The following CCDC28A variants were observed in gnomAD, a reference collection of about 807,000 sequenced individuals.
The protein encoded by CCDC28A is coiled-coil domain containing 28A, also known as coiled-coil domain-containing protein 28A.
In CCDC28A, 24 loss-of-function variants were observed where a neutral mutation model predicts 22.1. The ratio of observed to expected loss-of-function variants is 1.09; its 90% CI spans 0.79 to 1.53. The LOEUF is 1.53. Among genes scored for constraint, CCDC28A ranks in the 40% most tolerant of loss-of-function variants. The pLI, the probability that CCDC28A is intolerant of heterozygous loss-of-function variation, is 0.00. For synonymous variants in CCDC28A, 83 were observed against 74.7 expected (o/e 1.11, Z -0.57); for missense variants, 170 against 210.7 (o/e 0.81, Z 1.20).
intron 5 of CCDC28A, among the ~76,000 whole-genome samples, chr6:138,791,134 G>A (rs1775163140): frequency 6.6e-6 from 1 of 152,086 alleles, no homozygotes; most frequent in South Asian, 2.1e-4. Context: ...ACCCAGGCTG[G>A]AGTGCAGTGA....
rs1562440477 is a variant in CCDC28A, at chr6:138,785,391, A to T, written c.477+10A>T. Reference sequence around the variant, plus strand: ...TAGGCTTCTGTCAGATGTAAGTGTAATTCTTTTTCTTTGTTCTTTAAAAAA... The same window carrying T: ...TAGGCTTCTGTCAGATGTAAGTGTATTTCTTTTTCTTTGTTCTTTAAAAAA... On this transcript the variant is annotated intron_variant, in intron 4 of 5. Transcript: ENST00000617445. 1 of 1,585,174 alleles carries T rather than the reference A, an allele frequency of 6.3e-7. No individual in the cohort carries two copies.
chr6:138,781,106 C>T (rs1775014836), intron 3 of CCDC28A, among the ~76,000 whole-genome samples: 3 of 152,264 alleles, frequency 2.0e-5, no homozygotes, highest in Admixed American at 6.5e-5. Flanking sequence ...CATTTGTTAA[C>T]AGTCCAGGTG....
chr6:138,774,425 C>T (rs984448362), intron 1 of CCDC28A, among the ~76,000 whole-genome samples: 3 of 152,188 alleles, frequency 2.0e-5, no homozygotes, highest in Admixed American at 6.5e-5. Context: ...CTTTCAAACT[C>T]TCATTTAATT....
At chr6:138,773,930 G>T (rs571410170) in intron 1 of CCDC28A, 28 bp downstream of exon 1, 117 of 1,607,686 alleles carry the variant, frequency 7.3e-5, no homozygotes, top group Non-Finnish European at 9.1e-5. Flanking sequence ...AGGAACCTCC[G>T]CAACCTGCCC....
rs142395734 is a variant in CCDC28A at position 138,778,728 on chromosome 6, A to T, written c.159-1094A>T. ...TAGATGAGGATAGGGTTTCTTAGGG[A>T]TATTAGATTATATTCAGCAGGCAAT... On this transcript the variant is annotated intron_variant, in intron 2 of 5. Transcript: ENST00000617445. Among the ~76,000 whole-genome samples the T allele has an allele frequency of 2.7e-3, 407 of 151,754 alleles. 2 individuals are homozygous for T. The highest frequency in any genetic ancestry group is 9.3e-3 in the African/African-American group (383 of 41,370).
chr6:138,779,993 A>G lies in CCDC28A; in HGVS notation c.322+8A>G, dbSNP rs1309175686. On this transcript the variant is annotated splice_region_variant and intron_variant, in intron 3 of 5. Coordinates refer to ENST00000617445, the MANE Select transcript of CCDC28A (RefSeq NM_015439.3). ...GAAAACTTCAAGCATTTGGTAAGCA[A>G]TAGATGTTTCTGTATTATTTTTTTC... is the stretch of plus-strand genomic sequence containing the variant. The G allele has an allele frequency of 6.3e-7, 1 of 1,598,152 alleles. No homozygotes were observed. Among genetic ancestry groups the G allele is most frequent in the East Asian group, 2.2e-5 (1 of 44,450 alleles).
intron 4 of CCDC28A, 34 bp downstream of exon 4, chr6:138,785,415 A>C (rs757825011): frequency 3.3e-5 from 52 of 1,557,660 alleles, no homozygotes; most frequent in Non-Finnish European, 4.2e-5. Context: ...TTCTTTAAAA[A>C]AAAATTTTTG....
At chr6:138,781,603 C>T (rs1775021817) in intron 3 of CCDC28A, among the ~76,000 whole-genome samples, 1 of 152,134 alleles carries the variant, frequency 6.6e-6, no homozygotes, top group Non-Finnish European at 1.5e-5. Flanking sequence ...TTAATTTTTG[C>T]CAGTCTCTTG....
chr6:138,792,376 G>T (rs971855642), intron 5 of CCDC28A, among the ~76,000 whole-genome samples: 2 of 152,060 alleles, frequency 1.3e-5, no homozygotes, highest in African/African-American at 2.4e-5. Flanking sequence ...CTCTAACAAA[G>T]AATAGAAAAA....
intron 1 of CCDC28A, among the ~76,000 whole-genome samples, chr6:138,774,936 T>TTTTTGTTTTG (rs369968469): frequency 0.011 from 1,601 of 151,982 alleles, 18 homozygotes; most frequent in African/African-American, 0.026. Context: ...GGAAGGGGTT[T>TTTTTGTTTTG]TTTTGTTTTG....
chr6:138,777,944 A>T (rs1774959700), intron 2 of CCDC28A, among the ~76,000 whole-genome samples: 1 of 152,148 alleles, frequency 6.6e-6, no homozygotes, highest in East Asian at 1.9e-4. Context: ...GCAGTGTGGG[A>T]TGGGGGGCTT....
chr6:138,780,570 C>T (rs1562439218), intron 3 of CCDC28A, among the ~76,000 whole-genome samples: 2 of 141,890 alleles, frequency 1.4e-5, no homozygotes, highest in Non-Finnish European at 3.0e-5. Context: ...GATTATTTCC[C>T]AATTTTTTTT....
chr6:138,785,436 A>G, intron 4 of CCDC28A, 55 bp downstream of exon 4: 1 of 1,356,168 alleles, frequency 7.4e-7, no homozygotes, highest in Admixed American at 1.9e-5. Context: ...TTGCGAAAAA[A>G]TGTACCTTTT....
rs780882746 is a variant in CCDC28A, at chr6:138,776,162, T to C, written c.42T>C (p.Phe14=). ...RKVKRRSPKS[F]SAHCTQVVNA... is the part of the protein sequence containing the mutation. ...TGAAGAGGAGGAGTCCTAAGTCTTT[T>C]AGTGCCCACTGTACTCAGGTTGTCA... The change falls in exon 2 of 6, where the codon TTT becomes TTC. Residue 14 remains phenylalanine, a synonymous_variant. Transcript: ENST00000617445. 7.4e-6 allele frequency: 12 copies of C among 1,614,110 alleles called. No individual in the cohort carries two copies. The South Asian group carries it at 1.2e-4, about 16-fold the overall frequency.
chr6:138,776,870 G>GT (rs1266279331), intron 2 of CCDC28A, among the ~76,000 whole-genome samples: 4 of 151,942 alleles, frequency 2.6e-5, no homozygotes, highest in Non-Finnish European at 5.9e-5. Flanking sequence ...TATAAACTGT[G>GT]TTTTTTATAA....
chr6:138,776,212 T>C lies in CCDC28A; in HGVS notation c.92T>C (p.Val31Ala). The part of the protein sequence containing the change: ...VVNAKKNAIP[V>A]SKSTGFSNPA... ...AATGCCAAAAAAAATGCCATTCCAG[T>C]GAGTAAAAGCACAGGGTTTTCAAAT... Residue 31 changes from valine to alanine, a missense_variant, in exon 2 of 6, where the codon GTG (valine) becomes GCG (alanine). Coordinates refer to ENST00000617445, the MANE Select transcript of CCDC28A (RefSeq NM_015439.3). 1 of 1,614,088 alleles carries C rather than the reference T, an allele frequency of 6.2e-7. No individual in the cohort carries two copies. Among genetic ancestry groups the C allele is most frequent in the Non-Finnish European group, 8.5e-7 (1 of 1,179,992 alleles).
intron 1 of CCDC28A, among the ~76,000 whole-genome samples, chr6:138,775,297 T>C (rs1774913297): frequency 6.6e-6 from 1 of 152,218 alleles, no homozygotes; most frequent in South Asian, 2.1e-4. Context: ...AGTAAGGGGA[T>C]TGTGTAGGGA....
At chr6:138,783,435 A>ATT (rs564949933) in intron 3 of CCDC28A, among the ~76,000 whole-genome samples, 7 of 119,112 alleles carry the variant, frequency 5.9e-5, no homozygotes, top group Admixed American at 8.8e-5. Flanking sequence ...CACCCAGCTA[A>ATT]TTTTTTTTTT....
chr6:138,779,940 C>A lies in CCDC28A; in HGVS notation c.277C>A (p.Leu93Ile), dbSNP rs1412572694. 48 of 1,613,514 alleles carry A rather than the reference C, an allele frequency of 3.0e-5. No individual in the cohort carries two copies. Among genetic ancestry groups the A allele is most frequent in the Non-Finnish European group, 4.1e-5 (48 of 1,179,702 alleles). The change falls in exon 3 of 6, where the codon CTC becomes ATC. Residue 93 changes from leucine (L) to isoleucine (I), a missense_variant. By Grantham distance (5) the Leu-to-Ile change is conservative (BLOSUM62 2). Coordinates refer to ENST00000617445, the MANE Select transcript of CCDC28A (RefSeq NM_015439.3). ...TGTTCAGGAGATGGAGAGAGGGCTG[C>A]TCAGTCTTTTGAATGATTTCCACTC... The part of the protein sequence containing the change: ...SDVQEMERGL[L>I]SLLNDFHSGK...
Sources: gnomAD v4.1 joint callset for allele counts (sites outside exome capture counted in the v4.1 genomes callset) on GRCh38, gnomAD v4.1.1 for gene constraint, MANE v1.5 for transcripts, NCBI Gene and HGNC (gene_info 2026-07-23, HGNC 2026-07-21) for gene names.